PUM1: variants seen among roughly 807,000 people sequenced by gnomAD.
PUM1 encodes pumilio homolog 1.
A neutral mutation model predicts 131.8 loss-of-function variants in PUM1; 13 were observed. The observed-to-expected ratio is 0.10, with a 90% CI of 0.06 to 0.16. PUM1 has a LOEUF of 0.16. Ranked by LOEUF, PUM1 falls within the 10% of genes least tolerant of loss-of-function variation. PUM1 has a pLI of 1.00. For synonymous variants in PUM1, 509 were observed against 556.5 expected (o/e 0.91, Z 1.20); for missense variants, 961 against 1,512.4 (o/e 0.64, Z 6.05).
chr1:31,063,013 G>A (rs1048379325), intron 1 of PUM1, among the ~76,000 whole-genome samples: 1 of 152,180 alleles, frequency 6.6e-6, no homozygotes, highest in African/African-American at 2.4e-5. Flanking sequence ...CCCTGCTCAA[G>A]TACCAAAACC....
intron 16 of PUM1, among the ~76,000 whole-genome samples, chr1:30,950,558 T>C (rs1385572022): frequency 1.3e-5 from 2 of 152,248 alleles, no homozygotes; most frequent in African/African-American, 4.8e-5. Context: ...TGTCATTAAT[T>C]CATACTATTA....
chr1:30,945,249 C>T lies in PUM1; in HGVS notation c.2994+97G>A, dbSNP rs1407937449. ...ATCCAGTCTCAAAAAAAATAAAGTA[C>T]ATTAAGCATATTGAGAACATGCCAC... On this transcript the variant is annotated intron_variant, in intron 18 of 21. Coordinates refer to ENST00000426105, the MANE Select transcript of PUM1 (RefSeq NM_001020658.2). The T allele has an allele frequency of 1.0e-5, 14 of 1,389,400 alleles. No homozygotes were observed. The East Asian group carries it at 2.3e-4, about 23-fold the overall frequency. 86.1% of individuals were successfully genotyped at this position (1,389,400 alleles called of 1,614,324 possible).
At chr1:30,949,993 T>G (rs1010987060) in intron 17 of PUM1, 134 bp downstream of exon 17, 13 of 968,870 alleles carry the variant, frequency 1.3e-5, no homozygotes, top group Non-Finnish European at 1.9e-5. Flanking sequence ...ATGCTTGCCA[T>G]GCACAAAAAG....
chr1:30,954,039 A>AG (rs1640050504), intron 14 of PUM1, 58 bp from the exon 15 acceptor site: 3 of 1,540,734 alleles, frequency 1.9e-6, no homozygotes, highest in East Asian at 4.5e-5. Flanking sequence ...CATTCAAGAG[A>AG]GAAAAAAGCA....
intron 5 of PUM1, among the ~76,000 whole-genome samples, chr1:31,003,499 G>GGC (rs1227226996): frequency 6.6e-6 from 1 of 152,142 alleles, no homozygotes; most frequent in East Asian, 1.9e-4. Flanking sequence ...GCTCACGCTT[G>GGC]TAATCCCAGC....
At chr1:31,039,225 T>TAA in intron 2 of PUM1, among the ~76,000 whole-genome samples, 5 of 148,970 alleles carry the variant, frequency 3.4e-5, no homozygotes, top group African/African-American at 1.3e-4. Flanking sequence ...AAAAAAAATT[T>TAA]TTTTTTTTTT....
intron 2 of PUM1, among the ~76,000 whole-genome samples, chr1:31,033,053 A>G (rs1281571545): frequency 1.4e-5 from 2 of 147,370 alleles, no homozygotes; most frequent in Admixed American, 1.3e-4. Context: ...AAAATACAAA[A>G]AAAGAAAAAA....
intron 14 of PUM1, among the ~76,000 whole-genome samples, chr1:30,958,657 C>T (rs1640273098): frequency 6.6e-6 from 1 of 152,114 alleles, no homozygotes; most frequent in South Asian, 2.1e-4. Context: ...ATCCACATCC[C>T]TTACTTTTTT....
intron 2 of PUM1, among the ~76,000 whole-genome samples, chr1:31,041,075 G>A (rs1643799812): frequency 6.6e-6 from 1 of 152,094 alleles, no homozygotes; most frequent in African/African-American, 2.4e-5. Context: ...ACTATTGTCG[G>A]CAGAAACAGG....
At chr1:30,968,594 G>C in intron 10 of PUM1, 102 bp from the exon 11 acceptor site, 1 of 1,257,860 alleles carries the variant, frequency 8.0e-7, no homozygotes. Context: ...ATTGTAAATT[G>C]TTTCCCTATA....
intron 1 of PUM1, 73 bp downstream of exon 1, chr1:31,065,543 C>T: frequency 6.6e-7 from 1 of 1,508,158 alleles, no homozygotes; most frequent in Non-Finnish European, 8.9e-7. Context: ...CTCTCAAACA[C>T]CAATATGAAG....
chr1:30,983,758 A>AT (rs386353877), intron 7 of PUM1, among the ~76,000 whole-genome samples: 7,839 of 129,458 alleles, frequency 0.061, 286 homozygotes, highest in South Asian at 0.088. Flanking sequence ...CACGCCTGGC[A>AT]TTTTTTTTTT....
intron 10 of PUM1, among the ~76,000 whole-genome samples, chr1:30,968,984 T>G (rs574202484): frequency 6.6e-6 from 1 of 152,034 alleles, no homozygotes; most frequent in African/African-American, 2.4e-5. Flanking sequence ...GTCAGTGCTC[T>G]GACAAAAAGT....
intron 2 of PUM1, among the ~76,000 whole-genome samples, chr1:31,049,806 G>GCATCTGAC (rs1644062711): frequency 6.8e-6 from 1 of 147,966 alleles, no homozygotes; most frequent in Non-Finnish European, 1.5e-5. Context: ...TTAGAGAAGA[G>GCATCTGAC]CATCTGACTG....
At position 31,059,549 on chromosome 1, in the gene PUM1, G is replaced by C. The variant is rs1304947555; in HGVS notation, c.18C>G (p.Val6=). 6.2e-7 allele frequency: 1 copy of C among 1,613,574 alleles called. No homozygotes were observed. The highest frequency in any genetic ancestry group is 8.5e-7 in the Non-Finnish European group (1 of 1,179,726). Residue 6 remains valine (V), a synonymous_variant, in exon 2 of 22, where the codon GTC becomes GTG. Coordinates refer to ENST00000426105, the MANE Select transcript of PUM1 (RefSeq NM_001020658.2). The stretch of plus-strand genomic sequence containing the variant: ...GCCAAAGCACTGCTTTTCTCTTCAA[G>C]ACACATGCAACGCTCATTCCACCAA... MSVAC[V]LKRKAVLWQD...
At chr1:30,968,571 C>T in intron 10 of PUM1, 79 bp from the exon 11 acceptor site, 1 of 1,430,998 alleles carries the variant, frequency 7.0e-7, no homozygotes, top group South Asian at 1.4e-5. Flanking sequence ...GTTGGGTCAA[C>T]TTTTAAAACT....
At chr1:31,062,059 T>A (rs1644379382) in intron 1 of PUM1, 1 of 152,280 alleles carries the variant, frequency 6.6e-6, no homozygotes, top group East Asian at 1.9e-4. Context: ...AACACTAAGG[T>A]ACAGGAGGAA....
chr1:30,956,224 T>C (rs761367100), intron 14 of PUM1, among the ~76,000 whole-genome samples: 4 of 152,170 alleles, frequency 2.6e-5, no homozygotes, highest in African/African-American at 4.8e-5. Flanking sequence ...GGAGATTAAC[T>C]GAAAAGAAAA....
chr1:30,946,668 A>C (rs974546747), intron 17 of PUM1, among the ~76,000 whole-genome samples: 2 of 149,006 alleles, frequency 1.3e-5, no homozygotes, highest in Non-Finnish European at 3.0e-5. Flanking sequence ...TTATATATAT[A>C]CTTATATACA....
Sources: allele counts gnomAD v4.1 joint callset (sites outside exome capture counted in the v4.1 genomes callset), GRCh38; gene constraint gnomAD v4.1.1; transcripts MANE v1.5; gene names NCBI Gene and HGNC (gene_info 2026-07-23, HGNC 2026-07-21).